Variants in ADAMTS2 observed in about 807,000 individuals in gnomAD.
The protein encoded by ADAMTS2 is A disintegrin and metalloproteinase with thrombospondin motifs 2.
In ADAMTS2, 50 loss-of-function variants were observed where a neutral mutation model predicts 123.0. The observed-to-expected ratio is 0.41, with a 90% CI of 0.32 to 0.51. The LOEUF (loss-of-function observed/expected upper bound fraction) is 0.51, where lower values mean the gene tolerates loss of function less well. ADAMTS2 is among the 20% of genes least tolerant of loss of function. The probability of loss-of-function intolerance (pLI) is 0.35; values close to 1 mark genes in which losing one functional copy is unlikely to be tolerated. For missense variants in ADAMTS2, 1,494 were observed against 1,705.2 expected, an observed-to-expected ratio of 0.88 and a Z score of 2.18; for synonymous variants, 678 against 695.4, an observed-to-expected ratio of 0.98 and a Z score of 0.39.
chr5:179,121,686 G>A lies in ADAMTS2; in HGVS notation c.3153C>T (p.Asp1051=). The A allele has an allele frequency of 6.3e-7, 1 of 1,598,766 alleles. No homozygotes were observed. The change falls in exon 21 of 22, where the codon GAC becomes GAT. Residue 1051 remains aspartate, a synonymous_variant. Coordinates refer to ENST00000251582, the MANE Select transcript of ADAMTS2 (RefSeq NM_014244.5). The part of the protein sequence containing the change: ...VVQWLSRPDP[D]SPIRKISSKG... ...TTGACGAGATCTTCCGGATGGGCGA[G>A]TCGGGGTCCGGGCGGGACAGCCACT... is the stretch of plus-strand genomic sequence containing the variant.
chr5:179,165,532 G>A (rs1763681182), intron 5 of ADAMTS2, among the ~76,000 whole-genome samples: 1 of 152,148 alleles, frequency 6.6e-6, no homozygotes, highest in African/African-American at 2.4e-5. Flanking sequence ...GGGGGGACCA[G>A]GAGTGAGCCG....
intron 3 of ADAMTS2, among the ~76,000 whole-genome samples, chr5:179,267,706 C>T (rs13189853): frequency 1.3e-5 from 2 of 152,098 alleles, no homozygotes; most frequent in African/African-American, 4.8e-5. Context: ...ATAGTGAGCA[C>T]GGGAGGGGAC....
At position 179,258,921 on chromosome 5, in the gene ADAMTS2, G is replaced by A. The variant is rs574162558; in HGVS notation, c.688+13990C>T. On this transcript the variant is annotated intron_variant, in intron 3 of 21. Transcript: ENST00000251582. ...AGGACTCCCAACACCCTTCCTGCAC[G>A]ATGGCGCTGAGGGGCTGATCCGGCC... Among the ~76,000 whole-genome samples the A allele has an allele frequency of 9.9e-5, 15 of 152,280 alleles. No homozygotes were observed. The South Asian group carries it at 1.2e-3, about 13-fold the overall frequency.
At chr5:179,160,989 G>A (rs979285993) in intron 5 of ADAMTS2, among the ~76,000 whole-genome samples, 11 of 152,306 alleles carry the variant, frequency 7.2e-5, no homozygotes, top group African/African-American at 9.6e-5. Flanking sequence ...CCTGAGTGAC[G>A]ATGAGACCCG....
Position 179,180,992 on chromosome 5 carries a change from C to T in ADAMTS2, c.975+80G>A, listed in dbSNP as rs1374235441. On this transcript the variant is annotated intron_variant, in intron 5 of 21. Transcript: ENST00000251582. This position sits in a 1 kb window ranked among gnomAD's most constrained non-coding sequence, Gnocchi z 4.6. ...TGGTTCTGGCAAACGCACACACTCT[C>T]CAAGGAGGCCCATGCCTCACTCCCA... The T allele has an allele frequency of 8.9e-7, 1 of 1,129,282 alleles. No individual in the cohort carries two copies. Among genetic ancestry groups the T allele is most frequent in the Non-Finnish European group, 1.3e-6 (1 of 745,710 alleles). The allele number at this position is 1,129,282 out of a possible 1,614,324, so 70.0% of individuals were successfully genotyped here.
At chr5:179,267,129 G>T (rs1044139243) in intron 3 of ADAMTS2, among the ~76,000 whole-genome samples, 1 of 149,744 alleles carries the variant, frequency 6.7e-6, no homozygotes, top group Non-Finnish European at 1.5e-5. Flanking sequence ...CACCCCCGCC[G>T]CCCACTCTTC....
chr5:179,132,688 G>C lies in ADAMTS2; in HGVS notation c.2209+89C>G, dbSNP rs1418672359. 7.8e-6 allele frequency: 12 copies of C among 1,537,946 alleles called. 1 individual carries two copies. In the East Asian group the frequency reaches 2.9e-4, roughly 37 times the overall value. ...CCCAGAACAGTCATAAGCCCGGACA[G>C]CCCCAGGATGAGTCAGGCCCTCAGC... On this transcript the variant is annotated intron_variant, in intron 14 of 21. Transcript: ENST00000251582. This position sits in a 1 kb window ranked among gnomAD's most constrained non-coding sequence, Gnocchi z 6.1.
In ADAMTS2 at chr5:179,233,639, A is replaced by G. The variant is rs7714209; in HGVS notation, c.689-25924T>C. Among the ~76,000 whole-genome samples, 557 of 152,278 alleles carry G rather than the reference A, an allele frequency of 3.7e-3. 2 individuals carry two copies. Among genetic ancestry groups the G allele is most frequent in the African/African-American group, 0.013 (536 of 41,564 alleles). ...GAGGGAGAGGTTGCGGTGAGAGGAGATTGTACCATTGCACTCCAGCCTGAG... is the reference window on the plus strand; with the variant it reads ...GAGGGAGAGGTTGCGGTGAGAGGAGGTTGTACCATTGCACTCCAGCCTGAG... On this transcript the variant is annotated intron_variant, in intron 3 of 21. Transcript: ENST00000251582.
Position 179,307,483 on chromosome 5 carries a change from C to G in ADAMTS2, c.535-34419G>C, listed in dbSNP as rs1168529307. On this transcript the variant is annotated intron_variant, in intron 2 of 21. Coordinates refer to ENST00000251582, the MANE Select transcript of ADAMTS2 (RefSeq NM_014244.5). The surrounding 1 kb of genome is among the most constrained non-coding windows in gnomAD (Gnocchi z 5.6). Reference sequence around the variant, plus strand: ...GTCATGCTGCACCATCCACTAATAGCACCATCACGTATGCCAGGCTGGGAG... The same window carrying G: ...GTCATGCTGCACCATCCACTAATAGGACCATCACGTATGCCAGGCTGGGAG... 6.6e-6 allele frequency among the ~76,000 whole-genome samples: 1 copy of G among 152,190 alleles called. No homozygotes were observed. Among genetic ancestry groups the G allele is most frequent in the African/African-American group, 2.4e-5 (1 of 41,432 alleles).
Position 179,114,172 on chromosome 5 carries a change from C to T in ADAMTS2, c.3331G>A (p.Gly1111Arg). The T allele has an allele frequency of 6.2e-7, 1 of 1,612,298 alleles. No homozygotes were observed. The highest frequency in any genetic ancestry group is 8.5e-7 in the Non-Finnish European group (1 of 1,178,498). The change falls in exon 22 of 22, where the codon GGG becomes AGG. Residue 1111 changes from glycine to arginine, a missense_variant. By Grantham distance (125) the Gly-to-Arg change is moderately radical. Coordinates refer to ENST00000251582, the MANE Select transcript of ADAMTS2 (RefSeq NM_014244.5). ...NVEGRIEPPP[G>R]KHNDIDVFMP... ...AACACGTCAATGTCGTTGTGCTTCC[C>T]AGGCGGTGGCTCTATCCTGCCCTCC...
intron 2 of ADAMTS2, among the ~76,000 whole-genome samples, chr5:179,304,163 C>T (rs1756607491): frequency 6.6e-6 from 1 of 152,186 alleles, no homozygotes; most frequent in Non-Finnish European, 1.5e-5. Context: ...TCCACAGGCA[C>T]ATTGGAACTT....
chr5:179,344,010 G>T lies in ADAMTS2; in HGVS notation c.291C>A (p.Phe97Leu). Reference protein sequence around the residue: ...RRAAPVRTPSFPGGNEEEPGS... With the variant: ...RRAAPVRTPSLPGGNEEEPGS... ...CAGGCTCCTCCTCGTTGCCTCCGGG[G>T]AAGCTCGGGGTCCGGACCGGGGCGG... The change falls in exon 2 of 22, where the codon TTC (phenylalanine) becomes TTA (leucine). Residue 97 changes from phenylalanine (F) to leucine (L), a missense_variant. Around this residue, in one of 6 missense-constraint regions of ADAMTS2, gnomAD observed 237 missense variants for 233.7 expected, o/e 1.01. Coordinates refer to ENST00000251582, the MANE Select transcript of ADAMTS2 (RefSeq NM_014244.5). 6.2e-7 allele frequency: 1 copy of T among 1,612,696 alleles called. No individual in the cohort carries two copies. Among genetic ancestry groups the T allele is most frequent in the Middle Eastern group, 1.7e-4 (1 of 6,060 alleles).
chr5:179,299,071 C>T (rs1318190653), intron 2 of ADAMTS2, among the ~76,000 whole-genome samples: 1 of 151,942 alleles, frequency 6.6e-6, no homozygotes, highest in Admixed American at 6.6e-5. Flanking sequence ...GAAGCCAGTG[C>T]TCCAGTCAAG....
chr5:179,158,347 G>A lies in ADAMTS2; in HGVS notation c.1132+376C>T, dbSNP rs563838619. ...ACGTTATCTTCTTTCATTATTTTGC[G>A]TTTCTTATTTAGACCTAAAATCCAT... is the stretch of plus-strand genomic sequence containing the variant. On this transcript the variant is annotated intron_variant, in intron 6 of 21. Transcript: ENST00000251582. This position sits in a 1 kb window ranked among gnomAD's most constrained non-coding sequence, Gnocchi z 5.0. 4.6e-5 allele frequency among the ~76,000 whole-genome samples: 7 copies of A among 152,212 alleles called. No homozygotes were observed. The East Asian group carries it at 1.4e-3, about 29-fold the overall frequency.
chr5:179,154,837 C>T lies in ADAMTS2; in HGVS notation c.1215G>A (p.Val405=). The change falls in exon 7 of 22, where the codon GTG becomes GTA. Residue 405 remains valine, a synonymous_variant. Coordinates refer to ENST00000251582, the MANE Select transcript of ADAMTS2 (RefSeq NM_014244.5). The stretch of plus-strand genomic sequence containing the variant: ...ACACGTGGCCAGTCTCATGGGCCAC[C>T]ACAAACGCTGAGGAGAAGCCGTCCT... ...NHEDGFSSAF[V]VAHETGHVLG... 6.8e-6 allele frequency: 11 copies of T among 1,612,812 alleles called. No individual in the cohort carries two copies. The highest frequency in any genetic ancestry group is 8.5e-6 in the Non-Finnish European group (10 of 1,179,604).
intron 12 of ADAMTS2, among the ~76,000 whole-genome samples, chr5:179,136,821 T>A (rs1402931777): frequency 1.3e-5 from 2 of 150,560 alleles, no homozygotes; most frequent in South Asian, 4.2e-4. Flanking sequence ...ATGCAAAAAT[T>A]TAGCCGGGTG....
rs531753424 is a variant in ADAMTS2 at position 179,340,266 on chromosome 5, C to T, written c.534+3501G>A. On this transcript the variant is annotated intron_variant, in intron 2 of 21. Coordinates refer to ENST00000251582, the MANE Select transcript of ADAMTS2 (RefSeq NM_014244.5). ...GCCCAGCCTGGCAGGAGAGGATCCC[C>T]GTGCTGCCCTGAGTGGGGAGGCAGA... Among the ~76,000 whole-genome samples, 7 of 152,338 alleles carry T rather than the reference C, an allele frequency of 4.6e-5. No homozygotes were observed. In the East Asian group the frequency reaches 9.7e-4, roughly 21 times the overall value.
intron 4 of ADAMTS2, among the ~76,000 whole-genome samples, chr5:179,205,516 C>T (rs1284763333): frequency 6.6e-6 from 1 of 152,190 alleles, no homozygotes; most frequent in African/African-American, 2.4e-5. Context: ...CTGGAAAAGG[C>T]GAGGCCTGGA....
intron 17 of ADAMTS2, among the ~76,000 whole-genome samples, chr5:179,126,987 C>A (rs1762872270): frequency 6.6e-6 from 1 of 152,236 alleles, no homozygotes; most frequent in Non-Finnish European, 1.5e-5. Flanking sequence ...GAGAGGCCAA[C>A]AAGTTGCCCC....
Sources: gnomAD v4.1 joint callset for allele counts (sites outside exome capture counted in the v4.1 genomes callset) on GRCh38, gnomAD v4.1.1 for gene constraint, gnomAD v4.1.1 regional missense constraint, Gnocchi (gnomAD v3.1) non-coding constraint, MANE v1.5 for transcripts, NCBI Gene and HGNC (gene_info 2026-07-23, HGNC 2026-07-21) for gene names.